The following NELL2 variants were observed in gnomAD, a reference collection of about 807,000 sequenced individuals.
The protein encoded by NELL2 is neural EGFL like 2.
In NELL2, 41 loss-of-function variants were observed where a neutral mutation model predicts 109.6. The ratio of observed to expected loss-of-function variants is 0.37; its 90% CI spans 0.29 to 0.49. NELL2 has a LOEUF of 0.49. NELL2 is among the 20% of genes least tolerant of loss of function. The probability of loss-of-function intolerance (pLI) is 0.98; values close to 1 mark genes in which losing one functional copy is unlikely to be tolerated. For missense variants in NELL2, 900 were observed against 1,008.3 expected (o/e 0.89, Z 1.45); for synonymous variants, 355 against 344.7 (o/e 1.03, Z -0.33).
intron 13 of NELL2, among the ~76,000 whole-genome samples, chr12:44,623,482 C>G (rs1946130873): frequency 6.6e-6 from 1 of 151,918 alleles, no homozygotes; most frequent in Admixed American, 6.6e-5. Flanking sequence ...TCTTTTATAT[C>G]ATATTTTTTT....
chr12:44,855,276 G>A lies in NELL2; in HGVS notation c.184+19949C>T, dbSNP rs1944650673. ...TCACAGGAAACTTCTTAAAAATATA[G>A]ATTCCTGGGATTCATCCCCAGAAAT... On this transcript the variant is annotated intron_variant, in intron 2 of 19. Coordinates refer to ENST00000429094, the MANE Select transcript of NELL2 (RefSeq NM_001145108.2). Among the ~76,000 whole-genome samples, 4 of 152,258 alleles carry A rather than the reference G, an allele frequency of 2.6e-5. No individual in the cohort carries two copies. The South Asian group carries it at 8.3e-4, about 32-fold the overall frequency.
chr12:44,729,576 A>C (rs1204881243), intron 9 of NELL2, among the ~76,000 whole-genome samples: 4 of 148,706 alleles, frequency 2.7e-5, no homozygotes, highest in South Asian at 4.2e-4. Flanking sequence ...AAAAAAAAAA[A>C]AACCAAGAGC....
At chr12:44,736,968 G>A (rs182483051) in intron 9 of NELL2, among the ~76,000 whole-genome samples, 87 of 151,520 alleles carry the variant, frequency 5.7e-4, no homozygotes, top group South Asian at 1.0e-3. Context: ...AAATATTCTC[G>A]TATTTGTTTA....
At chr12:44,622,505 A>G (rs2136273554) in intron 13 of NELL2, among the ~76,000 whole-genome samples, 1 of 152,324 alleles carries the variant, frequency 6.6e-6, no homozygotes, top group African/African-American at 2.4e-5. Flanking sequence ...CTACAAATAA[A>G]TAAGATTAAA....
intron 9 of NELL2, among the ~76,000 whole-genome samples, chr12:44,754,487 G>A (rs1455540686): frequency 6.6e-6 from 1 of 152,062 alleles, no homozygotes; most frequent in Non-Finnish European, 1.5e-5. Flanking sequence ...CATTACTAAA[G>A]TCATTCCTTT....
At chr12:44,831,401 T>C (rs1455235645) in intron 2 of NELL2, among the ~76,000 whole-genome samples, 1 of 152,084 alleles carries the variant, frequency 6.6e-6, no homozygotes, top group Non-Finnish European at 1.5e-5. Context: ...ATATAGTAAA[T>C]ATTCAGTATA....
At chr12:44,569,959 TTC>T (rs111556061) in intron 15 of NELL2, among the ~76,000 whole-genome samples, 8,361 of 152,214 alleles carry the variant, frequency 0.055, 741 homozygotes, top group African/African-American at 0.19. Context: ...AGATAAGTTC[TTC>T]TCTATAAATT....
chr12:44,775,547 A>C (rs1330479742), intron 8 of NELL2, among the ~76,000 whole-genome samples: 1 of 152,182 alleles, frequency 6.6e-6, no homozygotes, highest in Non-Finnish European at 1.5e-5. Flanking sequence ...ATTTATTTAA[A>C]CTTTATAATT....
chr12:44,797,115 A>G (rs996129841), intron 3 of NELL2, among the ~76,000 whole-genome samples: 3 of 152,180 alleles, frequency 2.0e-5, no homozygotes, highest in African/African-American at 7.2e-5. Context: ...TAAGTGCGGT[A>G]GGGGTAGCCA....
At position 44,620,290 on chromosome 12, in the gene NELL2, G is replaced by A. The variant is rs550717665; in HGVS notation, c.1445-9320C>T. ...CGACCGCCACTTACATGGTAAACCC[G>A]TGGGTCTAATTCATCAATCACCCTC... On this transcript the variant is annotated intron_variant, in intron 13 of 19. Transcript: ENST00000429094. 1.2e-4 allele frequency among the ~76,000 whole-genome samples: 19 copies of A among 152,024 alleles called. 1 individual carries two copies. The highest frequency in any genetic ancestry group is 6.2e-4 in the South Asian group (3 of 4,826).
At chr12:44,889,361 A>G (rs1458093317) in intron 1 of NELL2, among the ~76,000 whole-genome samples, 1 of 152,004 alleles carries the variant, frequency 6.6e-6, no homozygotes, top group African/African-American at 2.4e-5. Context: ...CATATGCATT[A>G]GTCTTCAAGA....
At chr12:44,826,087 T>C (rs1294026014) in intron 2 of NELL2, among the ~76,000 whole-genome samples, 2 of 151,908 alleles carry the variant, frequency 1.3e-5, no homozygotes, top group African/African-American at 4.8e-5. Context: ...TGTGTGTTAG[T>C]AGTAAAAGAG....
chr12:44,874,102 A>G (rs1040879746), intron 2 of NELL2, among the ~76,000 whole-genome samples: 3 of 152,200 alleles, frequency 2.0e-5, no homozygotes, highest in South Asian at 2.1e-4. Context: ...CATACTGGCT[A>G]TATCAGGCAA....
intron 9 of NELL2, among the ~76,000 whole-genome samples, chr12:44,769,426 T>G (rs1437086595): frequency 6.6e-6 from 1 of 152,110 alleles, no homozygotes; most frequent in Non-Finnish European, 1.5e-5. Flanking sequence ...ACATCATTTA[T>G]CAGAATGTTA....
At position 44,508,591 on chromosome 12, in the gene NELL2, G is replaced by C. The variant is rs182254891; in HGVS notation, c.*343C>G. 5.5e-3 allele frequency: 1,054 copies of C among 192,914 alleles called. 19 individuals are homozygous for C. Among genetic ancestry groups the C allele is most frequent in the African/African-American group, 0.023 (992 of 42,934 alleles). The allele number at this position is 192,914 out of a possible 1,614,324, so 12.0% of individuals were successfully genotyped here. ...ACTGATTCTTGAAGATTCTGATCTA[G>C]AGGAAAATTTTCTGCACCAGTGAAG... On this transcript the variant is annotated 3_prime_UTR_variant, in exon 20 of 20. Transcript: ENST00000429094.
chr12:44,706,416 T>A (rs1937881675), intron 11 of NELL2, among the ~76,000 whole-genome samples: 2 of 152,088 alleles, frequency 1.3e-5, no homozygotes, highest in South Asian at 4.1e-4. Flanking sequence ...CAAATCAGAG[T>A]ATGGGTTGGC....
At chr12:44,713,229 G>GAC (rs1938313830) in intron 10 of NELL2, among the ~76,000 whole-genome samples, 9 of 147,862 alleles carry the variant, frequency 6.1e-5, no homozygotes, top group African/African-American at 2.3e-4. Flanking sequence ...GAGAGACAGA[G>GAC]AGAGAGAGAG....
intron 12 of NELL2, among the ~76,000 whole-genome samples, chr12:44,677,138 C>T (rs1948346140): frequency 6.6e-6 from 1 of 151,966 alleles, no homozygotes; most frequent in Non-Finnish European, 1.5e-5. Flanking sequence ...GCATTTCAAA[C>T]AAGGAGACTA....
chr12:44,626,983 C>CAGTG (rs1488275599), intron 13 of NELL2, among the ~76,000 whole-genome samples: 1 of 152,156 alleles, frequency 6.6e-6, no homozygotes, highest in African/African-American at 2.4e-5. Flanking sequence ...CCTTCACTAA[C>CAGTG]AGTGAGCCCT....
Sources: allele counts gnomAD v4.1 joint callset (sites outside exome capture counted in the v4.1 genomes callset), GRCh38; gene constraint gnomAD v4.1.1; transcripts MANE v1.5; gene names NCBI Gene and HGNC (gene_info 2026-07-23, HGNC 2026-07-21).